The following GALNT13 variants were observed in gnomAD, a reference collection of about 807,000 sequenced individuals.
GALNT13 encodes the protein polypeptide N-acetylgalactosaminyltransferase 13, also known as UDP-GalNAc:polypeptide N-acetylgalactosaminyltransferase 13.
Under a neutral mutation model 64.2 loss-of-function variants are expected in GALNT13, and 28 were observed. That is an observed-to-expected ratio of 0.44 (90% CI 0.32 to 0.60). GALNT13 has a LOEUF of 0.60. Among genes scored for constraint, GALNT13 ranks in the 20% least tolerant of loss-of-function variants. GALNT13 has a pLI of 0.05. For missense variants in GALNT13, 577 were observed against 669.8 expected (o/e 0.86, Z 1.53); for synonymous variants, 214 against 224.6 (o/e 0.95, Z 0.42).
At chr2:154,188,880 A>G (rs1686409397) in intron 4 of GALNT13, among the ~76,000 whole-genome samples, 1 of 152,128 alleles carries the variant, frequency 6.6e-6, no homozygotes, top group Non-Finnish European at 1.5e-5. Context: ...ACAGCTTACT[A>G]ATAGGTTGGT....
chr2:154,001,742 C>CT (rs1456544282), intron 3 of GALNT13, among the ~76,000 whole-genome samples: 1 of 151,960 alleles, frequency 6.6e-6, no homozygotes, highest in Admixed American at 6.6e-5. Flanking sequence ...AATTTGTATG[C>CT]TTTTACCACA....
At chr2:153,133,035 ATTTTTTTT>A in the GALNT13 span, among the ~76,000 whole-genome samples, 3 of 129,396 alleles carry the variant, frequency 2.3e-5, no homozygotes, top group Admixed American at 1.6e-4. Flanking sequence ...AACTGTGTTA[ATTTTTTTT>A]TTTTTTTTTT....
chr2:153,457,334 G>T, the GALNT13 span, among the ~76,000 whole-genome samples: 266 of 152,268 alleles, frequency 1.7e-3, 2 homozygotes, highest in African/African-American at 6.0e-3. Flanking sequence ...CTACCTGCCA[G>T]ACTAGTACTT....
chr2:153,402,705 TC>T, the GALNT13 span, among the ~76,000 whole-genome samples: 1 of 152,252 alleles, frequency 6.6e-6, no homozygotes, highest in South Asian at 2.1e-4. Flanking sequence ...TACCCTTTCT[TC>T]CTGTTGATCG....
chr2:153,213,545 A>G, the GALNT13 span, among the ~76,000 whole-genome samples: 1 of 152,146 alleles, frequency 6.6e-6, no homozygotes, highest in Non-Finnish European at 1.5e-5. Context: ...TACTTATTAC[A>G]CCAGATGCTG....
intron 3 of GALNT13, among the ~76,000 whole-genome samples, chr2:154,114,735 T>C (rs1488942368): frequency 6.6e-6 from 1 of 152,218 alleles, no homozygotes; most frequent in African/African-American, 2.4e-5. Context: ...GTTTTCTGCT[T>C]ATGTAAATTA....
chr2:153,863,312 A>G, the GALNT13 span, among the ~76,000 whole-genome samples: 3 of 152,262 alleles, frequency 2.0e-5, no homozygotes, highest in South Asian at 6.2e-4. Context: ...AGGCTTTCAT[A>G]CTTTTCTTTG....
At chr2:153,878,526 T>C (rs1686553166) in intron 1 of GALNT13, among the ~76,000 whole-genome samples, 1 of 152,308 alleles carries the variant, frequency 6.6e-6, no homozygotes, top group Non-Finnish European at 1.5e-5. Context: ...GCTTTAGCCT[T>C]AGTTTACTGT....
chr2:153,628,213 T>A, the GALNT13 span, among the ~76,000 whole-genome samples: 1 of 151,724 alleles, frequency 6.6e-6, no homozygotes, highest in Non-Finnish European at 1.5e-5. Context: ...GAGACTTTGC[T>A]GAAGTTGCTT....
intron 3 of GALNT13, among the ~76,000 whole-genome samples, chr2:154,069,954 T>C (rs1306149098): frequency 1.3e-5 from 2 of 152,106 alleles, no homozygotes; most frequent in Admixed American, 1.3e-4. Context: ...TAAACTTCAT[T>C]ACTGAGAAAG....
intron 3 of GALNT13, among the ~76,000 whole-genome samples, chr2:154,129,765 C>T (rs938120516): frequency 3.9e-5 from 6 of 151,912 alleles, no homozygotes; most frequent in Non-Finnish European, 7.4e-5. Flanking sequence ...ATTACAAATT[C>T]ATACTCAAAC....
At chr2:153,940,648 G>A (rs1321229307) in intron 2 of GALNT13, among the ~76,000 whole-genome samples, 2 of 151,984 alleles carry the variant, frequency 1.3e-5, no homozygotes, top group Non-Finnish European at 2.9e-5. Context: ...TACTCACTAC[G>A]TTTATCAGCC....
intron 9 of GALNT13, among the ~76,000 whole-genome samples, chr2:154,330,988 A>G (rs975023561): frequency 6.6e-6 from 1 of 152,082 alleles, no homozygotes; most frequent in Non-Finnish European, 1.5e-5. Context: ...AGGACAAAAG[A>G]TATAGGAGTA....
chr2:153,679,042 C>CTAT, the GALNT13 span, among the ~76,000 whole-genome samples: 105 of 152,098 alleles, frequency 6.9e-4, no homozygotes, highest in African/African-American at 2.4e-3. Flanking sequence ...TGCCTCCTAC[C>CTAT]TATGTTATCA....
At chr2:153,124,061 G>A in the GALNT13 span, among the ~76,000 whole-genome samples, 7 of 152,130 alleles carry the variant, frequency 4.6e-5, no homozygotes, top group South Asian at 1.5e-3. Context: ...TCAAGCTGCC[G>A]TGTTGTGAGC....
the GALNT13 span, among the ~76,000 whole-genome samples, chr2:153,412,719 C>T: frequency 6.6e-6 from 1 of 152,160 alleles, no homozygotes; most frequent in African/African-American, 2.4e-5. Flanking sequence ...GTTCAAAGAA[C>T]ACCCAGGCTG....
At chr2:153,196,443 T>C in the GALNT13 span, among the ~76,000 whole-genome samples, 1 of 152,004 alleles carries the variant, frequency 6.6e-6, no homozygotes, top group Non-Finnish European at 1.5e-5. Context: ...TTGGCCCCAT[T>C]CCTACTTCAG....
At chr2:153,986,906 A>T (rs1471037622) in intron 3 of GALNT13, among the ~76,000 whole-genome samples, 1 of 152,034 alleles carries the variant, frequency 6.6e-6, no homozygotes, top group Non-Finnish European at 1.5e-5. Flanking sequence ...CGATAGAGGA[A>T]GGGAATGAGA....
At chr2:154,043,282 A>G (rs917204865) in intron 3 of GALNT13, among the ~76,000 whole-genome samples, 4 of 151,762 alleles carry the variant, frequency 2.6e-5, no homozygotes, top group Admixed American at 1.3e-4. Flanking sequence ...ATACAGGAGA[A>G]ACAGTGTAAA....
Sources: allele counts gnomAD v4.1 joint callset (sites outside exome capture counted in the v4.1 genomes callset), GRCh38; gene constraint gnomAD v4.1.1; transcripts MANE v1.5; gene names NCBI Gene and HGNC (gene_info 2026-07-23, HGNC 2026-07-21).